ST3GAL1: variants seen among roughly 807,000 people sequenced by gnomAD.
ST3GAL1 encodes CMP-N-acetylneuraminate-beta-galactosamide-alpha-2,3-sialyltransferase 1.
Under a neutral mutation model 34.1 loss-of-function variants are expected in ST3GAL1, and 16 were observed. The observed-to-expected ratio is 0.47, with a 90% confidence interval of 0.32 to 0.71. The LOEUF is 0.71. Among genes scored for constraint, ST3GAL1 ranks in the 30% least tolerant of loss-of-function variants. The pLI is 0.04. For missense variants in ST3GAL1, 353 were observed against 447.4 expected (o/e 0.79, Z 1.90); for synonymous variants, 191 against 184.7 (o/e 1.03, Z -0.28).
intron 3 of ST3GAL1, among the ~76,000 whole-genome samples, chr8:133,492,412 A>G (rs1816812750): frequency 6.6e-6 from 1 of 152,072 alleles, no homozygotes; most frequent in Non-Finnish European, 1.5e-5. Context: ...AAGGGGTGGT[A>G]TGTTCTCTTT....
chr8:133,460,578 G>A (rs1178234559), intron 9 of ST3GAL1, among the ~76,000 whole-genome samples: 1 of 152,242 alleles, frequency 6.6e-6, no homozygotes, highest in Non-Finnish European at 1.5e-5. Flanking sequence ...CACCCTGCTG[G>A]CTGTACTGAA....
At chr8:133,503,971 C>G in intron 2 of ST3GAL1, among the ~76,000 whole-genome samples, 1 of 152,176 alleles carries the variant, frequency 6.6e-6, no homozygotes, top group East Asian at 1.9e-4. Context: ...GATGTCTACA[C>G]TGTACATGGA....
At chr8:133,474,403 A>G (rs1816078745) in intron 5 of ST3GAL1, among the ~76,000 whole-genome samples, 1 of 152,226 alleles carries the variant, frequency 6.6e-6, no homozygotes, top group Admixed American at 6.5e-5. Context: ...TAGGTGCTCA[A>G]TAAATAAGAC....
At chr8:133,520,890 G>C (rs1490110055) in intron 2 of ST3GAL1, among the ~76,000 whole-genome samples, 8 of 150,516 alleles carry the variant, frequency 5.3e-5, no homozygotes, top group Non-Finnish European at 8.9e-5. Flanking sequence ...TTGTGCCTCA[G>C]CCTCCTGAGT....
At chr8:133,563,297 G>A (rs150000045) in intron 1 of ST3GAL1, among the ~76,000 whole-genome samples, 186 of 152,166 alleles carry the variant, frequency 1.2e-3, no homozygotes, top group African/African-American at 4.3e-3. Context: ...ATAATTTGGA[G>A]CTAATGTTCT....
At chr8:133,535,226 C>A (rs967029307) in intron 2 of ST3GAL1, among the ~76,000 whole-genome samples, 2 of 152,204 alleles carry the variant, frequency 1.3e-5, no homozygotes, top group African/African-American at 4.8e-5. Context: ...GGGTGATGAG[C>A]CCAGGCTAGA....
At chr8:133,486,284 C>T (rs2130966396) in intron 3 of ST3GAL1, among the ~76,000 whole-genome samples, 1 of 152,356 alleles carries the variant, frequency 6.6e-6, no homozygotes, top group East Asian at 1.9e-4. Context: ...ACCAGCCTAT[C>T]CCCACTCCAT....
At chr8:133,557,640 G>A (rs1819091486) in intron 1 of ST3GAL1, among the ~76,000 whole-genome samples, 1 of 152,190 alleles carries the variant, frequency 6.6e-6, no homozygotes, top group African/African-American at 2.4e-5. Flanking sequence ...ATGAGGTCAA[G>A]AGTTTGAGAC....
At position 133,498,505 on chromosome 8, in the gene ST3GAL1, G is replaced by T. The variant is rs544304404; in HGVS notation, c.-374+630C>A. ...GATCTGTCAACCTCGTGTTTGGAGG[G>T]TTTTTTTTTTCTCTAGCTGAGCTCT... On this transcript the variant is annotated intron_variant, in intron 3 of 9. Coordinates refer to ENST00000522652, the MANE Select transcript of ST3GAL1 (RefSeq NM_173344.3). Among the ~76,000 whole-genome samples the T allele has an allele frequency of 8.7e-5, 13 of 149,802 alleles. No homozygotes were observed. The South Asian group carries it at 2.3e-3, about 27-fold the overall frequency.
At chr8:133,567,510 G>A (rs1819438575) in intron 1 of ST3GAL1, among the ~76,000 whole-genome samples, 1 of 152,210 alleles carries the variant, frequency 6.6e-6, no homozygotes, top group African/African-American at 2.4e-5. Flanking sequence ...GTCATGTTCA[G>A]CTTGTGGATG....
At chr8:133,562,842 C>CTTCCTTCCTTTCTT (rs2131111571) in intron 1 of ST3GAL1, among the ~76,000 whole-genome samples, 6 of 66,404 alleles carry the variant, frequency 9.0e-5, no homozygotes, top group African/African-American at 5.0e-4. Flanking sequence ...TCCTTCCTTC[C>CTTCCTTCCTTTCTT]TTTCTTTCTT....
intron 2 of ST3GAL1, among the ~76,000 whole-genome samples, chr8:133,534,178 G>C (rs1210552323): frequency 6.6e-6 from 1 of 152,078 alleles, no homozygotes; most frequent in Non-Finnish European, 1.5e-5. Flanking sequence ...CATCTCCCCA[G>C]ACCCAAAGGC....
rs780124300 is a variant in ST3GAL1 at position 133,469,683 on chromosome 8, C to T, written c.307-3593G>A. ...CCTGCTGCCTGCCCAGGCAAACTCT[C>T]CTCTCCCTTAGAACAAGGCTGACAA... On this transcript the variant is annotated intron_variant, in intron 5 of 9. Transcript: ENST00000522652. This position sits in a 1 kb window ranked among gnomAD's most constrained non-coding sequence, Gnocchi z 4.3. Among the ~76,000 whole-genome samples, 1 of 152,216 alleles carries T rather than the reference C, an allele frequency of 6.6e-6. No individual in the cohort carries two copies. The highest frequency in any genetic ancestry group is 2.4e-5 in the African/African-American group (1 of 41,468).
chr8:133,548,509 C>G (rs1014917321), intron 1 of ST3GAL1, among the ~76,000 whole-genome samples: 35 of 152,238 alleles, frequency 2.3e-4, no homozygotes, highest in African/African-American at 8.4e-4. Flanking sequence ...GCCCTACATA[C>G]CACTGTGCCC....
chr8:133,569,387 A>G (rs78168448), intron 1 of ST3GAL1, among the ~76,000 whole-genome samples: 12,900 of 152,294 alleles, frequency 0.085, 1,255 homozygotes, highest in East Asian at 0.48. Context: ...TAGAGTATGA[A>G]CTACCTATAC....
chr8:133,515,831 T>C (rs1817629744), intron 2 of ST3GAL1: 1 of 152,096 alleles, frequency 6.6e-6, no homozygotes, highest in South Asian at 2.1e-4. Context: ...ATATAAATAT[T>C]ATGTTAGCTT....
chr8:133,472,122 T>C (rs6983255), intron 5 of ST3GAL1, among the ~76,000 whole-genome samples: 22,017 of 151,734 alleles, frequency 0.15, 2,048 homozygotes, highest in African/African-American at 0.27. Flanking sequence ...GGTGGTGCAG[T>C]CTCTTCACTT....
rs77298304 is a variant in ST3GAL1, at chr8:133,508,822, C to T, written c.-428-9633G>A. On this transcript the variant is annotated intron_variant, in intron 2 of 9. Transcript: ENST00000522652. This position sits in a 1 kb window ranked among gnomAD's most constrained non-coding sequence, Gnocchi z 4.1. Reference sequence around the variant, plus strand: ...CTGAAAGCTTGTGCATCATACAAAACAGTGCAGATAATGGTAAATGCTTTT... The same window carrying T: ...CTGAAAGCTTGTGCATCATACAAAATAGTGCAGATAATGGTAAATGCTTTT... 2.2e-4 allele frequency among the ~76,000 whole-genome samples: 33 copies of T among 152,202 alleles called. No homozygotes were observed. The East Asian group carries it at 5.8e-3, about 27-fold the overall frequency.
intron 3 of ST3GAL1, among the ~76,000 whole-genome samples, chr8:133,487,391 A>G (rs1816648285): frequency 6.6e-6 from 1 of 152,190 alleles, no homozygotes; most frequent in Admixed American, 6.5e-5. Context: ...CCTACCCAGG[A>G]TCATCATTCC....
Sources: allele counts gnomAD v4.1 joint callset (sites outside exome capture counted in the v4.1 genomes callset), GRCh38; gene constraint gnomAD v4.1.1; non-coding constraint Gnocchi (gnomAD v3.1); transcripts MANE v1.5; gene names NCBI Gene and HGNC (gene_info 2026-07-23, HGNC 2026-07-21).